HOOK1: variants seen among roughly 807,000 people sequenced by gnomAD.
HOOK1 encodes hook microtubule tethering protein 1.
HOOK1 carries 60 observed loss-of-function variants against 112.8 expected under a neutral mutation model. The observed-to-expected ratio is 0.53, with a 90% CI of 0.43 to 0.66. The LOEUF (loss-of-function observed/expected upper bound fraction) is 0.66, where lower values mean the gene tolerates loss of function less well. Ranked by LOEUF, HOOK1 falls within the 30% of genes least tolerant of loss-of-function variation. The pLI, the probability that HOOK1 is intolerant of heterozygous loss-of-function variation, is 0.00. For missense variants in HOOK1, 770 were observed against 856.0 expected (o/e 0.90, Z 1.25); for synonymous variants, 294 against 283.8 (o/e 1.04, Z -0.36).
chr1:59,830,070 A>C (rs2098392667), intron 3 of HOOK1, among the ~76,000 whole-genome samples: 1 of 152,068 alleles, frequency 6.6e-6, no homozygotes, highest in Non-Finnish European at 1.5e-5. Flanking sequence ...AATACTCTGT[A>C]TTGAGAAGTT....
At position 59,843,484 on chromosome 1, in the gene HOOK1, T is replaced by C; in HGVS notation, c.674T>C (p.Met225Thr). The change falls in exon 9 of 22, where the codon ATG becomes ACG. Residue 225 changes from methionine (M) to threonine (T), a missense_variant. Met to Thr is a moderately conservative substitution (Grantham distance 81). Around this residue, in one of 3 missense-constraint regions of HOOK1, gnomAD observed 655 missense variants for 725.9 expected, o/e 0.90. Coordinates refer to ENST00000371208, the MANE Select transcript of HOOK1 (RefSeq NM_015888.6). Reference sequence around the variant, plus strand: ...TCACTGGTTTCTGAAAATGAGATGATGAATGAAAAACTTGACCAGTTGGAT... The same window carrying C: ...TCACTGGTTTCTGAAAATGAGATGACGAATGAAAAACTTGACCAGTTGGAT... ...KNSLVSENEM[M>T]NEKLDQLDGS... The C allele has an allele frequency of 1.9e-6, 3 of 1,611,184 alleles. No homozygotes were observed. In the South Asian group the frequency reaches 3.3e-5, roughly 18 times the overall value.
chr1:59,854,788 G>T (rs2102056073), intron 12 of HOOK1, among the ~76,000 whole-genome samples: 1 of 152,082 alleles, frequency 6.6e-6, no homozygotes, highest in African/African-American at 2.4e-5. Context: ...TTAGTTTATT[G>T]TACTTTGAAT....
intron 19 of HOOK1, among the ~76,000 whole-genome samples, chr1:59,866,683 T>C (rs1643973723): frequency 6.6e-6 from 1 of 152,158 alleles, no homozygotes; most frequent in African/African-American, 2.4e-5. Context: ...ATAAATCACT[T>C]TCACTCCCAC....
At chr1:59,862,435 A>G (rs2098414122) in intron 15 of HOOK1, among the ~76,000 whole-genome samples, 1 of 152,146 alleles carries the variant, frequency 6.6e-6, no homozygotes, top group Non-Finnish European at 1.5e-5. Flanking sequence ...AGAAGATGGA[A>G]ATCTAGTTTT....
In HOOK1 at chr1:59,847,115, C is replaced by T. The variant is rs2098404461; in HGVS notation, c.859C>T (p.His287Tyr). The T allele has an allele frequency of 6.2e-7, 1 of 1,607,390 alleles. No individual in the cohort carries two copies. Among genetic ancestry groups the T allele is most frequent in the African/African-American group, 1.3e-5 (1 of 74,654 alleles). The change falls in exon 10 of 22, where the codon CAT becomes TAT. Residue 287 changes from histidine (H) to tyrosine (Y), a missense_variant. Physicochemically the swap from His to Tyr is moderately conservative, Grantham distance 83 (BLOSUM62 2). Around this residue, in one of 3 missense-constraint regions of HOOK1, gnomAD observed 655 missense variants for 725.9 expected, o/e 0.90. Coordinates refer to ENST00000371208, the MANE Select transcript of HOOK1 (RefSeq NM_015888.6). ...TGAAAAGCAGCTAATCGAATTCCAG[C>T]ATAGGAATGATGAATTGACTAGTCT... ...ELEKQLIEFQ[H>Y]RNDELTSLAE...
intron 15 of HOOK1, among the ~76,000 whole-genome samples, chr1:59,861,354 C>G (rs2098413521): frequency 1.3e-5 from 2 of 152,192 alleles, no homozygotes; most frequent in South Asian, 4.1e-4. Context: ...TTAAATCCCA[C>G]TTCTAATTTA....
rs777118162 is a variant in HOOK1 at position 59,860,166 on chromosome 1, A to G, written c.1392-22A>G. ...GACTCATATTTTTAAAAATTAAAAAAGATTTTGCTTTGTAACATCAGGGAG... is the reference window on the plus strand; with the variant it reads ...GACTCATATTTTTAAAAATTAAAAAGGATTTTGCTTTGTAACATCAGGGAG... On this transcript the variant is annotated intron_variant, in intron 14 of 21. Coordinates refer to ENST00000371208, the MANE Select transcript of HOOK1 (RefSeq NM_015888.6). The G allele has an allele frequency of 4.5e-6, 7 of 1,542,562 alleles. No homozygotes were observed. In the Admixed American group the frequency reaches 1.5e-4, roughly 34 times the overall value.
rs747186604 is a variant in HOOK1, at chr1:59,874,100, C to T, written c.*1135C>T. 21 of 151,964 alleles carry T rather than the reference C, an allele frequency of 1.4e-4. No individual in the cohort carries two copies. Among genetic ancestry groups the T allele is most frequent in the Non-Finnish European group, 2.6e-4 (18 of 67,976 alleles). 9.4% of individuals were successfully genotyped at this position (151,964 alleles called of 1,614,324 possible). A position where few individuals can be genotyped will look rare whatever the true frequency, so the allele number is the denominator to read the frequency against. On this transcript the variant is annotated 3_prime_UTR_variant, in exon 22 of 22. Coordinates refer to ENST00000371208, the MANE Select transcript of HOOK1 (RefSeq NM_015888.6). ...GTGTTAAATATGTGCTGTCGTATAT[C>T]ATAGCCATGAGCCATATATGACAAT...
chr1:59,867,701 C>G (rs1027194153), intron 19 of HOOK1, among the ~76,000 whole-genome samples: 1 of 152,072 alleles, frequency 6.6e-6, no homozygotes, highest in Admixed American at 6.5e-5. Context: ...TTAGTAATAA[C>G]ATAAATGCGA....
intron 4 of HOOK1, 72 bp from the exon 5 acceptor site, chr1:59,833,333 T>C (rs74649729): frequency 0.037 from 38,875 of 1,058,768 alleles, 909 homozygotes; most frequent in Admixed American, 0.088. Context: ...TTTATTTTCA[T>C]TGTAATATTA....
At chr1:59,866,056 T>C in intron 19 of HOOK1, 84 bp downstream of exon 19, 1 of 730,104 alleles carries the variant, frequency 1.4e-6, no homozygotes, top group African/African-American at 1.8e-5. Flanking sequence ...CTGCCATTCT[T>C]GTATCTGTAT....
At chr1:59,846,579 C>T (rs1559053190) in intron 9 of HOOK1, among the ~76,000 whole-genome samples, 4 of 100,614 alleles carry the variant, frequency 4.0e-5, no homozygotes, top group African/African-American at 4.1e-5. Context: ...TCCTTCCTTC[C>T]TTCCTTCCTC....
In HOOK1 at chr1:59,848,480, T is replaced by G. The variant is rs1262718164; in HGVS notation, c.1095T>G (p.Asn365Lys). The G allele has an allele frequency of 6.2e-7, 1 of 1,610,136 alleles. No homozygotes were observed. The change falls in exon 11 of 22, where the codon AAT becomes AAG. Residue 365 changes from asparagine to lysine, a missense_variant. This residue lies in a region of HOOK1 where 655 missense variants were observed against 725.9 expected (regional missense o/e 0.90). Coordinates refer to ENST00000371208, the MANE Select transcript of HOOK1 (RefSeq NM_015888.6). ...TAGAAGAAGAATTAAAAAAAGCAAA[T>G]GCAGCACGTACACAATTAGAAACAT... ...VSLEEELKKA[N>K]AARTQLETYK... is the part of the protein sequence containing the mutation.
intron 2 of HOOK1, among the ~76,000 whole-genome samples, chr1:59,823,322 A>AAC (rs1384617905): frequency 6.6e-6 from 1 of 152,270 alleles, no homozygotes; most frequent in Non-Finnish European, 1.5e-5. Flanking sequence ...TCCGTCTCAA[A>AAC]AAACAAAAAA....
intron 21 of HOOK1, among the ~76,000 whole-genome samples, chr1:59,871,883 T>C (rs2102079937): frequency 6.6e-6 from 1 of 152,320 alleles, no homozygotes. Flanking sequence ...TCTGAGCTCT[T>C]TCCTTTCTTC....
chr1:59,862,922 T>C (rs771212143), intron 16 of HOOK1, 45 bp downstream of exon 16: 48 of 1,073,760 alleles, frequency 4.5e-5, no homozygotes, highest in Non-Finnish European at 6.7e-5. Flanking sequence ...GTATGGCTTT[T>C]CTTTAATAGA....
chr1:59,824,773 C>A (rs1482528942), intron 2 of HOOK1, among the ~76,000 whole-genome samples: 14 of 152,128 alleles, frequency 9.2e-5, no homozygotes, highest in Admixed American at 9.2e-4. Flanking sequence ...TTATTATCTT[C>A]AATTTGAATA....
chr1:59,845,063 C>A (rs1171998642), intron 9 of HOOK1, among the ~76,000 whole-genome samples: 1 of 151,922 alleles, frequency 6.6e-6, no homozygotes, highest in East Asian at 1.9e-4. Flanking sequence ...AATTTATGAA[C>A]AAATCTACCA....
Position 59,848,221 on chromosome 1 carries a change from T to C in HOOK1, c.930-94T>C, listed in dbSNP as rs181275652. On this transcript the variant is annotated intron_variant, in intron 10 of 21. Transcript: ENST00000371208. ...CACATTTACTTTTCTTTTTTCTTTT[T>C]TGTGATAGTTTGGAAGATTCATTTT... is the stretch of plus-strand genomic sequence containing the variant. 2.6e-3 allele frequency: 2,286 copies of C among 881,532 alleles called. 10 individuals carry two copies. Among genetic ancestry groups the C allele is most frequent in the Non-Finnish European group, 3.7e-3 (2,108 of 575,712 alleles). 54.6% of individuals were successfully genotyped at this position (881,532 alleles called of 1,614,324 possible).
Sources: gnomAD v4.1 joint callset for allele counts (sites outside exome capture counted in the v4.1 genomes callset) on GRCh38, gnomAD v4.1.1 for gene constraint, gnomAD v4.1.1 regional missense constraint, MANE v1.5 for transcripts, NCBI Gene and HGNC (gene_info 2026-07-23, HGNC 2026-07-21) for gene names.